C8orf34: variants seen among roughly 807,000 people sequenced by gnomAD.
The protein encoded by C8orf34 is chromosome 8 open reading frame 34, also known as uncharacterized protein C8orf34.
C8orf34 carries 65 observed loss-of-function variants against 68.3 expected under a neutral mutation model. That is an observed-to-expected ratio of 0.95 (90% CI 0.78 to 1.17). The LOEUF (loss-of-function observed/expected upper bound fraction) is 1.17, where lower values mean the gene tolerates loss of function less well. Among genes scored for constraint, C8orf34 ranks in the 50% most tolerant of loss-of-function variants. The pLI is 0.00. For synonymous variants in C8orf34, 244 were observed against 241.2 expected, an observed-to-expected ratio of 1.01 and a Z score of -0.11; for missense variants, 664 against 655.4, an observed-to-expected ratio of 1.01 and a Z score of -0.14.
intron 7 of C8orf34, chr8:68,534,027 G>A (rs868738074): frequency 1.0e-6 from 1 of 979,404 alleles, no homozygotes; most frequent in Middle Eastern, 5.3e-4. Context: ...TGGAATCTCA[G>A]AAAAATATAG....
intron 10 of C8orf34, among the ~76,000 whole-genome samples, chr8:68,752,462 C>T (rs1822735432): frequency 1.3e-5 from 2 of 152,142 alleles, no homozygotes; most frequent in African/African-American, 4.8e-5. Context: ...ACAATGACAT[C>T]ACATTGGTAC....
intron 8 of C8orf34, among the ~76,000 whole-genome samples, chr8:68,648,454 A>G (rs138015915): frequency 1.2e-3 from 189 of 152,356 alleles, no homozygotes; most frequent in African/African-American, 4.4e-3. Context: ...TACTATTTCA[A>G]TAAAGTTTAT....
At chr8:68,366,454 A>G (rs1395473688) in intron 1 of C8orf34, among the ~76,000 whole-genome samples, 1 of 142,850 alleles carries the variant, frequency 7.0e-6, no homozygotes, top group Non-Finnish European at 1.5e-5. Context: ...ATCCTAAGCC[A>G]AAAGAACAAA....
At chr8:68,515,964 A>G (rs1814493929) in intron 5 of C8orf34, among the ~76,000 whole-genome samples, 1 of 152,232 alleles carries the variant, frequency 6.6e-6, no homozygotes, top group African/African-American at 2.4e-5. Flanking sequence ...TTCAGTGTGT[A>G]TATTGATGTG....
chr8:68,774,322 GGTGT>G (rs111570038), intron 10 of C8orf34, among the ~76,000 whole-genome samples: 17,183 of 113,776 alleles, frequency 0.15, 1,739 homozygotes, highest in Middle Eastern at 0.21. Flanking sequence ...TAAAAATATG[GGTGT>G]GTGTGTATAT....
rs575907105 is a variant in C8orf34, at chr8:68,434,131, C to A, written c.328-5368C>A. Among the ~76,000 whole-genome samples, 22 of 152,032 alleles carry A rather than the reference C, an allele frequency of 1.4e-4. No homozygotes were observed. The South Asian group carries it at 4.6e-3, about 32-fold the overall frequency. ...TTTTGTCTTTGTATGCATTTCTTTC[C>A]TTTTTCTTCTTTTACTTTAAGTTCT... On this transcript the variant is annotated intron_variant, in intron 1 of 13. Coordinates refer to ENST00000518698, the MANE Select transcript of C8orf34 (RefSeq NM_052958.4).
At chr8:68,402,954 C>G (rs1278171124) in intron 1 of C8orf34, among the ~76,000 whole-genome samples, 1 of 152,174 alleles carries the variant, frequency 6.6e-6, no homozygotes, top group African/African-American at 2.4e-5. Flanking sequence ...AAGCCCCATG[C>G]ATCCCAGTGA....
intron 7 of C8orf34, among the ~76,000 whole-genome samples, chr8:68,596,111 C>T (rs1817540085): frequency 6.6e-6 from 1 of 151,990 alleles, no homozygotes; most frequent in South Asian, 2.1e-4. Flanking sequence ...CCTCGAGTGC[C>T]TTAGGATTTC....
intron 8 of C8orf34, among the ~76,000 whole-genome samples, chr8:68,646,916 G>A (rs558779224): frequency 3.0e-4 from 45 of 152,282 alleles, no homozygotes; most frequent in African/African-American, 1.0e-3. Flanking sequence ...GAATAATGCT[G>A]CAATGAACTT....
intron 5 of C8orf34, among the ~76,000 whole-genome samples, chr8:68,501,011 C>T (rs563211580): frequency 6.6e-6 from 1 of 152,214 alleles, no homozygotes; most frequent in South Asian, 2.1e-4. Context: ...AGAACCTGTG[C>T]AACTGAAATG....
chr8:68,565,511 T>G (rs1232431295), intron 7 of C8orf34, among the ~76,000 whole-genome samples: 1 of 152,112 alleles, frequency 6.6e-6, no homozygotes, highest in Non-Finnish European at 1.5e-5. Context: ...CAAAGAGCAG[T>G]GCTGGAAGAG....
At chr8:68,732,754 G>A (rs572430745) in intron 10 of C8orf34, among the ~76,000 whole-genome samples, 1 of 152,174 alleles carries the variant, frequency 6.6e-6, no homozygotes, top group African/African-American at 2.4e-5. Flanking sequence ...TTATTGTGAG[G>A]CAAGTGTTTA....
intron 8 of C8orf34, among the ~76,000 whole-genome samples, chr8:68,686,384 C>A (rs1411445149): frequency 6.6e-6 from 1 of 151,988 alleles, no homozygotes; most frequent in Non-Finnish European, 1.5e-5. Context: ...AAATCCTCAA[C>A]AAAATACCAA....
intron 8 of C8orf34, among the ~76,000 whole-genome samples, chr8:68,678,936 A>C (rs962116272): frequency 3.3e-5 from 5 of 152,136 alleles, no homozygotes; most frequent in Non-Finnish European, 1.5e-5. Flanking sequence ...ACAAACAAAA[A>C]TCAGTTGCAT....
intron 7 of C8orf34, chr8:68,625,342 T>A: frequency 2.4e-6 from 1 of 423,652 alleles, no homozygotes; most frequent in Admixed American, 4.3e-5. Flanking sequence ...TATCACCAAA[T>A]ACTCACTTTT....
At chr8:68,581,597 A>G (rs1817065623) in intron 7 of C8orf34, among the ~76,000 whole-genome samples, 1 of 152,084 alleles carries the variant, frequency 6.6e-6, no homozygotes, top group Non-Finnish European at 1.5e-5. Context: ...GTCAAGGTCT[A>G]TTTGTATTTT....
chr8:68,462,946 C>A (rs1269377480), intron 3 of C8orf34, among the ~76,000 whole-genome samples: 1 of 151,938 alleles, frequency 6.6e-6, no homozygotes, highest in African/African-American at 2.4e-5. Flanking sequence ...AAAATCAGAG[C>A]AGAACTGAAG....
At chr8:68,550,794 G>A (rs900882576) in intron 7 of C8orf34, among the ~76,000 whole-genome samples, 2 of 150,678 alleles carry the variant, frequency 1.3e-5, no homozygotes, top group Admixed American at 6.6e-5. Context: ...CCCCCTCAGT[G>A]CTTTAACTAT....
At chr8:68,766,286 A>G (rs1199664682) in intron 10 of C8orf34, among the ~76,000 whole-genome samples, 3 of 152,212 alleles carry the variant, frequency 2.0e-5, no homozygotes, top group Admixed American at 6.5e-5. Flanking sequence ...TTAGCCGTTT[A>G]GTCATTTTGC....
Sources: allele counts gnomAD v4.1 joint callset (sites outside exome capture counted in the v4.1 genomes callset), GRCh38; gene constraint gnomAD v4.1.1; transcripts MANE v1.5; gene names NCBI Gene and HGNC (gene_info 2026-07-23, HGNC 2026-07-21).